The following OOEP variants were observed in gnomAD, a reference collection of about 807,000 sequenced individuals.
OOEP encodes the protein oocyte-expressed protein homolog.
Under a neutral mutation model 13.7 loss-of-function variants are expected in OOEP, and 16 were observed. The observed-to-expected ratio is 1.16, with a 90% CI of 0.79 to 1.77. The LOEUF (loss-of-function observed/expected upper bound fraction) is 1.77. Ranked by LOEUF, OOEP falls within the 40% of genes most tolerant of loss-of-function variation. The probability of loss-of-function intolerance (pLI) is 0.00; values close to 1 mark genes in which losing one functional copy is unlikely to be tolerated. For synonymous variants in OOEP, 89 were observed against 77.1 expected, an observed-to-expected ratio of 1.15 and a Z score of -0.81; for missense variants, 195 against 193.1, an observed-to-expected ratio of 1.01 and a Z score of -0.06.
rs756335349 is a variant in OOEP, at chr6:73,369,757, C to G, written c.36G>C (p.Arg12=). Residue 12 remains arginine, a synonymous_variant, in exon 1 of 3, where the codon CGG becomes CGC. Coordinates refer to ENST00000370359, the MANE Select transcript of OOEP (RefSeq NM_001080507.3). ...GGGAGTGGGCCGGAGTCTGTTTGCCCCGCTGGGACTCAGCGGCACCAGCAT... is the reference window on the plus strand; with the variant it reads ...GGGAGTGGGCCGGAGTCTGTTTGCCGCGCTGGGACTCAGCGGCACCAGCAT... ...VDDAGAAESQ[R]GKQTPAHSLE... is the part of the protein sequence containing the mutation. The G allele has an allele frequency of 6.2e-7, 1 of 1,613,940 alleles. No individual in the cohort carries two copies. Among genetic ancestry groups the G allele is most frequent in the South Asian group, 1.1e-5 (1 of 91,088 alleles).
upstream of OOEP, chr6:73,370,023 C>A: frequency 3.6e-6 from 2 of 560,240 alleles, no homozygotes; most frequent in Non-Finnish European, 6.4e-6. Flanking sequence ...TGACCTTGAA[C>A]TAGTATTCAT....
At position 73,389,707 on chromosome 6, in the gene OOEP, G is replaced by A. The variant is rs1225089586; in HGVS notation, c.25+4639C>T. ...CGGGGACTGTTGTGGGGTGGGGGGA[G>A]GGGGGAAGGGATAGCATTAGGAGAT... is the stretch of plus-strand genomic sequence containing the variant. On this transcript the variant is annotated intron_variant, in intron 2 of 3. Coordinates refer to the OOEP transcript ENST00000370363. 3.4e-5 allele frequency among the ~76,000 whole-genome samples: 5 copies of A among 146,384 alleles called. No individual in the cohort carries two copies. The South Asian group carries it at 6.7e-4, about 20-fold the overall frequency.
chr6:73,370,878 C>A (rs907542612), upstream of OOEP, among the ~76,000 whole-genome samples: 4 of 152,152 alleles, frequency 2.6e-5, no homozygotes. Context: ...ACCTCCCAGG[C>A]CTAAGCGACC....
chr6:73,385,308 T>C (rs1769257328), intron 2 of OOEP, among the ~76,000 whole-genome samples: 6 of 151,504 alleles, frequency 4.0e-5, no homozygotes. Flanking sequence ...ATTGCGCCAC[T>C]GCACTCCAGC....
intron 2 of OOEP, among the ~76,000 whole-genome samples, chr6:73,392,833 T>G (rs963120189): frequency 1.4e-4 from 21 of 151,738 alleles, no homozygotes; most frequent in Non-Finnish European, 2.6e-4. Flanking sequence ...GGTTTTACCA[T>G]GTTGGCCAGG....
intron 2 of OOEP, among the ~76,000 whole-genome samples, chr6:73,384,970 C>T (rs1039556493): frequency 6.6e-6 from 1 of 151,512 alleles, no homozygotes; most frequent in African/African-American, 2.4e-5. Context: ...CTCCTGACCT[C>T]AGGTGATCCA....
At chr6:73,395,060 G>C (rs1175181858) in exon 1 of OOEP, 1 of 1,613,576 alleles carries the variant, frequency 6.2e-7, no homozygotes, top group Admixed American at 1.7e-5. Flanking sequence ...GGTCGCTGGA[G>C]AGGCACCTCT....
intron 2 of OOEP, among the ~76,000 whole-genome samples, chr6:73,375,382 A>G (rs1769123463): frequency 6.6e-6 from 1 of 151,926 alleles, no homozygotes; most frequent in South Asian, 2.1e-4. Context: ...GTTGGAGACC[A>G]GCCTGGGCAG....
chr6:73,370,836 C>T (rs1769037642), upstream of OOEP, among the ~76,000 whole-genome samples: 1 of 152,204 alleles, frequency 6.6e-6, no homozygotes, highest in Non-Finnish European at 1.5e-5. Context: ...GGCTGGAATG[C>T]AGTGGCACGA....
chr6:73,386,893 G>C (rs1056131211), intron 2 of OOEP, among the ~76,000 whole-genome samples: 1 of 149,338 alleles, frequency 6.7e-6, no homozygotes, highest in South Asian at 2.1e-4. Flanking sequence ...ACTTGAACCC[G>C]GGAGGCGGAG....
chr6:73,386,139 G>A lies in OOEP; in HGVS notation c.25+8207C>T, dbSNP rs561457276. On this transcript the variant is annotated intron_variant, in intron 2 of 3. Transcript: ENST00000370363. Reference sequence around the variant, plus strand: ...GACAGAGTTTCGCTCTTGTTGCCCAGGCTGGAGTGCAATGGCGCGATGTTG... The same window carrying A: ...GACAGAGTTTCGCTCTTGTTGCCCAAGCTGGAGTGCAATGGCGCGATGTTG... 2.7e-5 allele frequency among the ~76,000 whole-genome samples: 4 copies of A among 148,596 alleles called. No individual in the cohort carries two copies. In the South Asian group the frequency reaches 8.5e-4, roughly 32 times the overall value.
At chr6:73,386,381 C>T (rs1471127600) in intron 2 of OOEP, among the ~76,000 whole-genome samples, 1 of 151,286 alleles carries the variant, frequency 6.6e-6, no homozygotes, top group Non-Finnish European at 1.5e-5. Flanking sequence ...GGCATGAGCC[C>T]CCAGACCGGG....
chr6:73,393,426 A>G (rs773518985), intron 2 of OOEP, among the ~76,000 whole-genome samples: 2 of 152,214 alleles, frequency 1.3e-5, no homozygotes, highest in Non-Finnish European at 2.9e-5. Context: ...CAAAGATCCT[A>G]ATCAAAGGAG....
intron 2 of OOEP, among the ~76,000 whole-genome samples, chr6:73,386,021 GGT>G (rs1435263714): frequency 3.3e-5 from 5 of 152,022 alleles, no homozygotes; most frequent in African/African-American, 7.2e-5. Context: ...TTGTACTGGA[GGT>G]TCTAGCCAGT....
At chr6:73,394,892 C>A (rs777431855) in exon 1 of OOEP, 61 of 1,613,312 alleles carry the variant, frequency 3.8e-5, no homozygotes, top group Non-Finnish European at 4.9e-5. Flanking sequence ...TCGGACGCGC[C>A]CCTTCTTGGA....
chr6:73,394,363 G>T lies in OOEP; in HGVS notation c.8C>A (p.Ser3Ter). The T allele has an allele frequency of 1.4e-6, 1 of 715,414 alleles. No homozygotes were observed. The allele number at this position is 715,414 out of a possible 1,614,324, so 44.3% of individuals were successfully genotyped here. A position where few individuals can be genotyped will look rare whatever the true frequency, so the allele number is the denominator to read the frequency against. ...TGACTTACCTTTATGGGTCACGGTT[G>T]AAAACATTTCCGGTGCAGTGGCTGA... Residue 3 changes from serine (S) to a stop codon, truncating the protein, a stop_gained, in exon 2 of 4, where the codon TCA becomes TAA. Transcript: ENST00000370363. LOFTEE classifies it high-confidence loss of function.
At chr6:73,392,041 T>C (rs977505020) in intron 2 of OOEP, among the ~76,000 whole-genome samples, 2 of 152,224 alleles carry the variant, frequency 1.3e-5, no homozygotes. Context: ...TTTGGCCTCA[T>C]AGAATGAGTT....
At chr6:73,393,420 G>T (rs1278489274) in intron 2 of OOEP, among the ~76,000 whole-genome samples, 2 of 152,188 alleles carry the variant, frequency 1.3e-5, no homozygotes. Flanking sequence ...ATAATTCAAA[G>T]ATCCTAATCA....
upstream of OOEP, among the ~76,000 whole-genome samples, chr6:73,372,504 G>A (rs139347766): frequency 6.6e-6 from 1 of 152,162 alleles, no homozygotes; most frequent in Non-Finnish European, 1.5e-5. Flanking sequence ...TGAGAGGCCA[G>A]AATCTGATTC....
Sources: allele counts gnomAD v4.1 joint callset (sites outside exome capture counted in the v4.1 genomes callset), GRCh38; gene constraint gnomAD v4.1.1; transcripts MANE v1.5; gene names NCBI Gene and HGNC (gene_info 2026-07-23, HGNC 2026-07-21).